ZNF280B: variants seen among roughly 807,000 people sequenced by gnomAD.
The protein encoded by ZNF280B is zinc finger protein 280B.
ZNF280B carries 16 observed loss-of-function variants against 38.0 expected under a neutral mutation model. The observed-to-expected ratio is 0.42, with a 90% CI of 0.28 to 0.64. The LOEUF (loss-of-function observed/expected upper bound fraction) is 0.64, where lower values mean the gene tolerates loss of function less well. ZNF280B is among the 30% of genes least tolerant of loss of function. The pLI, the probability that ZNF280B is intolerant of heterozygous loss-of-function variation, is 0.21. For synonymous variants in ZNF280B, 253 were observed against 230.6 expected (o/e 1.10, Z -0.88); for missense variants, 581 against 639.6 (o/e 0.91, Z 0.99).
At chr22:22,501,875 T>C (rs1031974245) in intron 2 of ZNF280B, among the ~76,000 whole-genome samples, 4 of 151,744 alleles carry the variant, frequency 2.6e-5, no homozygotes, top group African/African-American at 9.7e-5. Context: ...CCGGGCGTGG[T>C]AGAGTGTGCC....
chr22:22,501,174 G>T (rs562847757), intron 2 of ZNF280B, among the ~76,000 whole-genome samples: 1 of 151,820 alleles, frequency 6.6e-6, no homozygotes, highest in Non-Finnish European at 1.5e-5. Flanking sequence ...CTAGAGATCT[G>T]TTTCACATCA....
Position 22,484,615 on chromosome 22 carries a change from A to T in ZNF280B, c.*3152T>A, listed in dbSNP as rs1379299095. 1 of 152,394 alleles carries T rather than the reference A, an allele frequency of 6.6e-6. No homozygotes were observed. Among genetic ancestry groups the T allele is most frequent in the Non-Finnish European group, 1.5e-5 (1 of 68,010 alleles). 9.4% of individuals were successfully genotyped at this position (152,394 alleles called of 1,614,324 possible). On this transcript the variant is annotated 3_prime_UTR_variant, in exon 4 of 4. Transcript: ENST00000626650. ...AACAAAACAAAGTGACATTGCCTTA[A>T]AAATATATAGAGGTATCAATAGAAA...
intron 2 of ZNF280B, among the ~76,000 whole-genome samples, chr22:22,504,764 T>C (rs2061900194): frequency 1.3e-5 from 2 of 151,884 alleles, no homozygotes; most frequent in Admixed American, 1.3e-4. Context: ...TATACAGGAA[T>C]GATCAAGAAT....
At chr22:22,493,552 C>T (rs1372737577) in intron 3 of ZNF280B, among the ~76,000 whole-genome samples, 1 of 151,904 alleles carries the variant, frequency 6.6e-6, no homozygotes, top group African/African-American at 2.4e-5. Context: ...CCTGTTCAAA[C>T]CTCCTCTACC....
chr22:22,488,893 G>A lies in ZNF280B; in HGVS notation c.506C>T (p.Pro169Leu), dbSNP rs1187411670. ...AGTGGAAAGTTGCTTTGATACACGA[G>A]GACTTTCATTTATACCTCCTACTGA... is the stretch of plus-strand genomic sequence containing the variant. Reference protein sequence around the residue: ...ALSVGGINESPRVSKQLSTFE... With the variant: ...ALSVGGINESLRVSKQLSTFE... Residue 169 changes from proline to leucine, a missense_variant, in exon 4 of 4, where the codon CCT becomes CTT. Physicochemically the swap from Pro to Leu is moderately conservative, Grantham distance 98 (BLOSUM62 -3). Transcript: ENST00000626650. 11 of 1,613,558 alleles carry A rather than the reference G, an allele frequency of 6.8e-6. No homozygotes were observed. The highest frequency in any genetic ancestry group is 2.7e-5 in the African/African-American group (2 of 74,832).
intron 3 of ZNF280B, among the ~76,000 whole-genome samples, chr22:22,493,817 C>T (rs559109376): frequency 3.9e-4 from 59 of 151,918 alleles, no homozygotes; most frequent in Non-Finnish European, 7.6e-4. Context: ...TTATATCACT[C>T]TTCTATCCCT....
chr22:22,505,512 G>T (rs962160996), intron 2 of ZNF280B, among the ~76,000 whole-genome samples: 1 of 151,852 alleles, frequency 6.6e-6, no homozygotes, highest in Non-Finnish European at 1.5e-5. Flanking sequence ...GCTGCGGTGT[G>T]CTGAGATCAT....
chr22:22,488,991 A>G lies in ZNF280B; in HGVS notation c.408T>C (p.Asn136=), dbSNP rs2061542038. 6.2e-7 allele frequency: 1 copy of G among 1,613,898 alleles called. No individual in the cohort carries two copies. The highest frequency in any genetic ancestry group is 2.2e-5 in the East Asian group (1 of 44,794). The part of the protein sequence containing the change: ...YRNSSPQVVP[N]NSSELPSPLI... ...AAGGAGAAGGTAATTCTGAAGAGTT[A>G]TTAGGCACAACTTGTGGTGAACTAT... is the stretch of plus-strand genomic sequence containing the variant. Residue 136 remains asparagine (N), a synonymous_variant, in exon 4 of 4, where the codon AAT becomes AAC. Transcript: ENST00000626650.
At chr22:22,494,373 G>A (rs2061654488) in intron 2 of ZNF280B, among the ~76,000 whole-genome samples, 193 bp from the exon 3 acceptor site, 1 of 151,874 alleles carries the variant, frequency 6.6e-6, no homozygotes, top group Non-Finnish European at 1.5e-5. Flanking sequence ...AATAGAGCAA[G>A]GATCAGGAAC....
chr22:22,499,351 G>A (rs961952392), intron 2 of ZNF280B, among the ~76,000 whole-genome samples: 18 of 151,376 alleles, frequency 1.2e-4, no homozygotes, highest in African/African-American at 3.6e-4. Flanking sequence ...CACAACCTCC[G>A]CCTCCCGGGT....
rs894978984 is a variant in ZNF280B, at chr22:22,489,099, G to A, written c.300C>T (p.Thr100=). 4.3e-6 allele frequency: 7 copies of A among 1,613,706 alleles called. No homozygotes were observed. Among genetic ancestry groups the A allele is most frequent in the African/African-American group, 2.7e-5 (2 of 74,830 alleles). Residue 100 remains threonine, a synonymous_variant, in exon 4 of 4, where the codon ACC becomes ACT. Coordinates refer to ENST00000626650, the MANE Select transcript of ZNF280B (RefSeq NM_080764.4). ...ATTCAAGTTGGGAAGCTGGCAGGAC[G>A]GTCACTGCTTCTGATGTAACGGTCT... is the stretch of plus-strand genomic sequence containing the variant. ...SHETVTSEAV[T]VLPASQLESR... is the part of the protein sequence containing the mutation.
intron 2 of ZNF280B, among the ~76,000 whole-genome samples, chr22:22,501,606 A>G (rs2061826668): frequency 6.6e-6 from 1 of 151,994 alleles, no homozygotes; most frequent in South Asian, 2.1e-4. Context: ...AGCTAGACAC[A>G]GTGGCTCATG....
rs1222521151 is a variant in ZNF280B, at chr22:22,488,494, T to C, written c.905A>G (p.Lys302Arg). The C allele has an allele frequency of 6.2e-7, 1 of 1,613,936 alleles. No individual in the cohort carries two copies. Among genetic ancestry groups the C allele is most frequent in the African/African-American group, 1.3e-5 (1 of 74,986 alleles). Residue 302 changes from lysine (K) to arginine (R), a missense_variant, in exon 4 of 4, where the codon AAG becomes AGG. Lys to Arg is a conservative substitution (Grantham distance 26). Coordinates refer to ENST00000626650, the MANE Select transcript of ZNF280B (RefSeq NM_080764.4). ...GAGGCATTTAAAGGTGGTGTGAGTC[T>C]TCTGTTCCGGCTGCCCTTCTCCTTT... ...QHKGEGQPEQ[K>R]THTTFKCLSC... is the part of the protein sequence containing the mutation.
intron 2 of ZNF280B, among the ~76,000 whole-genome samples, chr22:22,496,463 T>C (rs1333097492): frequency 1.3e-5 from 2 of 151,952 alleles, no homozygotes; most frequent in Non-Finnish European, 2.9e-5. Flanking sequence ...TGAAAAAGTA[T>C]TTATTAAAAA....
In ZNF280B at chr22:22,488,416, T is replaced by C. The variant is rs779104765; in HGVS notation, c.983A>G (p.His328Arg). The C allele has an allele frequency of 1.9e-6, 3 of 1,613,908 alleles. No homozygotes were observed. The highest frequency in any genetic ancestry group is 3.3e-5 in the Admixed American group (2 of 59,982). Residue 328 changes from histidine to arginine, a missense_variant, in exon 4 of 4, where the codon CAT becomes CGT. By Grantham distance (29) the His-to-Arg change is conservative (BLOSUM62 0). Transcript: ENST00000626650. ...NVKFMNHVKH[H>R]LEFEKQRNDS... ...GTTCCTCTGCTTCTCAAATTCCAAA[T>C]GATGCTTCACGTGATTCATAAACTT... is the stretch of plus-strand genomic sequence containing the variant.
chr22:22,507,774 C>G (rs990262910), intron 2 of ZNF280B, 36 bp downstream of exon 2: 21 of 151,928 alleles, frequency 1.4e-4, no homozygotes, highest in African/African-American at 5.1e-4. Flanking sequence ...GAAAATACAA[C>G]TTTGGTCCTC....
intron 2 of ZNF280B, among the ~76,000 whole-genome samples, chr22:22,500,943 C>G (rs191644376): frequency 7.8e-4 from 112 of 144,108 alleles, no homozygotes; most frequent in African/African-American, 2.8e-3. Flanking sequence ...TCCCCTGAAT[C>G]TGGGAGGCAG....
At chr22:22,494,945 C>A (rs1313223220) in intron 2 of ZNF280B, among the ~76,000 whole-genome samples, 1 of 151,946 alleles carries the variant, frequency 6.6e-6, no homozygotes, top group African/African-American at 2.4e-5. Flanking sequence ...CCAGGCTGGT[C>A]TCAAACTCCT....
chr22:22,493,369 T>C (rs879384612), intron 3 of ZNF280B, among the ~76,000 whole-genome samples: 7 of 151,796 alleles, frequency 4.6e-5, no homozygotes, highest in Admixed American at 2.0e-4. Context: ...ATATGGAGGG[T>C]TTGTAGACAG....
Sources: gnomAD v4.1 joint callset for allele counts (sites outside exome capture counted in the v4.1 genomes callset) on GRCh38, gnomAD v4.1.1 for gene constraint, MANE v1.5 for transcripts, NCBI Gene and HGNC (gene_info 2026-07-23, HGNC 2026-07-21) for gene names.